Variants in PEMT observed in about 807,000 individuals in gnomAD.
PEMT encodes the protein phospholipid methyltransferase.
PEMT carries 23 observed loss-of-function variants against 27.4 expected under a neutral mutation model. That is an observed-to-expected ratio of 0.84 (90% CI 0.60 to 1.19). The LOEUF (loss-of-function observed/expected upper bound fraction) is 1.19. Ranked by LOEUF, PEMT falls within the 50% of genes most tolerant of loss-of-function variation. The pLI is 0.00. For synonymous variants in PEMT, 137 were observed against 139.1 expected, an observed-to-expected ratio of 0.98 and a Z score of 0.11; for missense variants, 307 against 310.1, an observed-to-expected ratio of 0.99 and a Z score of 0.07.
chr17:17,591,402 CG>C, intron 1 of PEMT, 128 bp downstream of exon 1: 2 of 771,424 alleles, frequency 2.6e-6, no homozygotes, highest in East Asian at 3.0e-5. Context: ...ACCCCCGCCA[CG>C]CCACGCCCCC....
intron 1 of PEMT, among the ~76,000 whole-genome samples, chr17:17,583,741 T>C (rs1195958301): frequency 1.3e-5 from 2 of 152,188 alleles, no homozygotes; most frequent in Admixed American, 6.5e-5. Flanking sequence ...TGTCAACTAA[T>C]ACAGGTCCCT....
chr17:17,571,694 A>C (rs997529039), intron 2 of PEMT, among the ~76,000 whole-genome samples: 5 of 146,772 alleles, frequency 3.4e-5, no homozygotes, highest in African/African-American at 1.3e-4. Flanking sequence ...ACTCACACAC[A>C]GTCTGTTTTG....
At chr17:17,521,107 C>T (rs918308607) in intron 3 of PEMT, among the ~76,000 whole-genome samples, 5 of 152,250 alleles carry the variant, frequency 3.3e-5, no homozygotes, top group African/African-American at 1.2e-4. Context: ...AGCCAGGCTA[C>T]ACGCGCCCCA....
Position 17,591,643 on chromosome 17 carries a change from G to T in PEMT, c.-17C>A. The T allele has an allele frequency of 6.8e-6, 11 of 1,606,004 alleles. No individual in the cohort carries two copies. The highest frequency in any genetic ancestry group is 9.3e-6 in the Non-Finnish European group (11 of 1,176,638). ...TCTCTTCATCCGGGGGCCGCCTCAG[G>T]AGGCACCACGCGGGCCCCGCTGCAG... On this transcript the variant is annotated 5_prime_UTR_variant, in exon 1 of 7. Transcript: ENST00000255389.
intron 2 of PEMT, among the ~76,000 whole-genome samples, chr17:17,547,422 C>A (rs1019874149): frequency 6.6e-6 from 1 of 152,230 alleles, no homozygotes; most frequent in East Asian, 1.9e-4. Flanking sequence ...GCCAGAGATG[C>A]GCTCGCCAAA....
Position 17,512,722 on chromosome 17 carries a change from G to A in PEMT, c.321-68C>T, listed in dbSNP as rs920039597. 3.1e-5 allele frequency: 43 copies of A among 1,387,136 alleles called. No homozygotes were observed. Among genetic ancestry groups the A allele is most frequent in the Admixed American group, 1.4e-4 (5 of 35,696 alleles). 85.9% of individuals were successfully genotyped at this position (1,387,136 alleles called of 1,614,324 possible). On this transcript the variant is annotated intron_variant, in intron 3 of 6. Transcript: ENST00000255389. This position sits in a 1 kb window ranked among gnomAD's most constrained non-coding sequence, Gnocchi z 6.3. ...GGATGTCACAGCCCGGGAGGAGGCC[G>A]ACCTCATCTTCTCGCCCTCTCCCCA...
intron 2 of PEMT, among the ~76,000 whole-genome samples, chr17:17,553,631 C>A (rs1325581106): frequency 6.6e-6 from 1 of 152,218 alleles, no homozygotes; most frequent in Non-Finnish European, 1.5e-5. Context: ...ACTAACCTGA[C>A]CCAGCACCCC....
In PEMT at chr17:17,512,615, G is replaced by C. The variant is rs1315974860; in HGVS notation, c.360C>G (p.Ser120Arg). 1.3e-6 allele frequency: 2 copies of C among 1,594,494 alleles called. No homozygotes were observed. Among genetic ancestry groups the C allele is most frequent in the Non-Finnish European group, 1.7e-6 (2 of 1,169,164 alleles). The change falls in exon 4 of 7, where the codon AGC (serine) becomes AGG (arginine). Residue 120 changes from serine to arginine, a missense_variant. Transcript: ENST00000255389. The surrounding 1 kb of genome is among the most constrained non-coding windows in gnomAD (Gnocchi z 6.3). The stretch of plus-strand genomic sequence containing the variant: ...GGCTGTAGGCCGCGGGGGTGTCCAG[G>C]CTCTCCATCCTGGGCTGGCTCAGCA... ...QAMLSQPRME[S>R]LDTPAAYSLG...
Position 17,512,037 on chromosome 17 carries a change from G to A in PEMT, c.466+472C>T, listed in dbSNP as rs143858800. ...CCAGACCTACACCAGCCCTGCCTGC[G>A]GCCAAACACGGCACAAACCACAATC... On this transcript the variant is annotated intron_variant, in intron 4 of 6. Coordinates refer to ENST00000255389, the MANE Select transcript of PEMT (RefSeq NM_148172.3). This position sits in a 1 kb window ranked among gnomAD's most constrained non-coding sequence, Gnocchi z 6.3. Among the ~76,000 whole-genome samples, 1,045 of 152,258 alleles carry A rather than the reference G, an allele frequency of 6.9e-3. 13 individuals carry two copies. The highest frequency in any genetic ancestry group is 0.024 in the African/African-American group (987 of 41,552).
intron 2 of PEMT, among the ~76,000 whole-genome samples, chr17:17,525,691 A>C (rs912536921): frequency 2.6e-5 from 4 of 152,190 alleles, no homozygotes; most frequent in African/African-American, 9.6e-5. Flanking sequence ...GGTAAATGTA[A>C]GCTTCAGATA....
intron 1 of PEMT, among the ~76,000 whole-genome samples, chr17:17,588,247 T>C (rs1349130084): frequency 6.6e-6 from 1 of 152,206 alleles, no homozygotes; most frequent in African/African-American, 2.4e-5. Flanking sequence ...TCATCTAATA[T>C]AACGGCCTAA....
chr17:17,534,920 T>G (rs1908351895), intron 2 of PEMT, among the ~76,000 whole-genome samples: 1 of 151,890 alleles, frequency 6.6e-6, no homozygotes, highest in Non-Finnish European at 1.5e-5. Context: ...TTATTTTATT[T>G]TATTTTATTT....
intron 5 of PEMT, 85 bp downstream of exon 5, chr17:17,509,349 G>T: frequency 1.2e-6 from 1 of 836,632 alleles, no homozygotes; most frequent in Non-Finnish European, 2.0e-6. Flanking sequence ...CTCTCCAGGG[G>T]CCCTGGCCCC....
At chr17:17,510,906 TGCACAGCCCGGAGTCCCCCTTCCCATGG>T (rs1906332422) in intron 4 of PEMT, among the ~76,000 whole-genome samples, 1 of 152,148 alleles carries the variant, frequency 6.6e-6, no homozygotes, top group South Asian at 2.1e-4. Flanking sequence ...AGGACCTGAT[TGCACAGCCCGGAGTCCCCCTTCCCATGG>T]GGCCCTCACC....
chr17:17,589,241 C>T (rs940957807), intron 1 of PEMT, among the ~76,000 whole-genome samples: 8 of 151,178 alleles, frequency 5.3e-5, no homozygotes, highest in Non-Finnish European at 8.8e-5. Flanking sequence ...GGATTACAGG[C>T]GTGAGCCACC....
intron 5 of PEMT, chr17:17,507,477 G>C (rs1905970205): frequency 2.0e-6 from 1 of 491,174 alleles, no homozygotes; most frequent in South Asian, 3.1e-5. Flanking sequence ...TGGTCTGCCT[G>C]TCTGGGAGCT....
chr17:17,579,211 G>T (rs934147530), intron 1 of PEMT, among the ~76,000 whole-genome samples: 2 of 152,188 alleles, frequency 1.3e-5, no homozygotes, highest in Non-Finnish European at 1.5e-5. Context: ...CTGCTACCAG[G>T]TCACTTGCAG....
chr17:17,517,899 C>G (rs1906962518), intron 3 of PEMT: 1 of 838,458 alleles, frequency 1.2e-6, no homozygotes. Flanking sequence ...GCTCCGCCTG[C>G]ACCCCACCCA....
chr17:17,509,520 C>A lies in PEMT; in HGVS notation c.492G>T (p.Glu164Asp), dbSNP rs775814752. Residue 164 changes from glutamate to aspartate, a missense_variant, in exon 5 of 7, where the codon GAG (glutamate) becomes GAT (aspartate). Glu to Asp is a conservative substitution (Grantham distance 45, BLOSUM62 2). Coordinates refer to ENST00000255389, the MANE Select transcript of PEMT (RefSeq NM_148172.3). ...TGAAGGGGAACACGGTCACTCTCGC[C>A]TCCTTGAGGATCCCGAAGTAATCAC... ...FLGDYFGILK[E>D]ARVTVFPFNI... 6.2e-7 allele frequency: 1 copy of A among 1,613,842 alleles called. No individual in the cohort carries two copies. The highest frequency in any genetic ancestry group is 8.5e-7 in the Non-Finnish European group (1 of 1,179,728).
Sources: allele counts gnomAD v4.1 joint callset (sites outside exome capture counted in the v4.1 genomes callset), GRCh38; gene constraint gnomAD v4.1.1; non-coding constraint Gnocchi (gnomAD v3.1); transcripts MANE v1.5; gene names NCBI Gene and HGNC (gene_info 2026-07-23, HGNC 2026-07-21).